Variants in ACSF3 observed in about 807,000 individuals in gnomAD.
The protein encoded by ACSF3 is acyl-CoA synthetase family member 3.
ACSF3 carries 78 observed loss-of-function variants against 53.2 expected under a neutral mutation model. The ratio of observed to expected loss-of-function variants is 1.47; its 90% CI spans 1.22 to 1.77. The LOEUF (loss-of-function observed/expected upper bound fraction) is 1.77, where lower values mean the gene tolerates loss of function less well. Ranked by LOEUF, ACSF3 falls within the 40% of genes most tolerant of loss-of-function variation. ACSF3 has a pLI of 0.00. For synonymous variants in ACSF3, 414 were observed against 333.1 expected, an observed-to-expected ratio of 1.24 and a Z score of -2.65; for missense variants, 937 against 771.1, an observed-to-expected ratio of 1.22 and a Z score of -2.55.
chr16:89,136,190 G>A (rs1910426982), intron 8 of ACSF3, among the ~76,000 whole-genome samples: 1 of 152,258 alleles, frequency 6.6e-6, no homozygotes, highest in African/African-American at 2.4e-5. Flanking sequence ...CGCTGGGAGG[G>A]CAGCCGTGTG....
At chr16:89,114,224 A>C in intron 5 of ACSF3, 115 bp from the exon 6 acceptor site, 1 of 1,436,102 alleles carries the variant, frequency 7.0e-7, no homozygotes, top group Non-Finnish European at 9.6e-7. Context: ...TGCACTCGTG[A>C]AGGAGCTGCC....
At chr16:89,103,257 G>A (rs376835027) in intron 4 of ACSF3, among the ~76,000 whole-genome samples, 2 of 152,376 alleles carry the variant, frequency 1.3e-5, no homozygotes, top group East Asian at 1.9e-4. Flanking sequence ...CGGCTGCGGC[G>A]AATGCTCACG....
intron 7 of ACSF3, among the ~76,000 whole-genome samples, chr16:89,125,621 G>A (rs1206305113): frequency 6.6e-6 from 1 of 152,004 alleles, no homozygotes; most frequent in African/African-American, 2.4e-5. Flanking sequence ...AGCCTGGGAG[G>A]TGGAGGTTGA....
At chr16:89,146,852 G>C (rs1437644592) in intron 10 of ACSF3, among the ~76,000 whole-genome samples, 2 of 152,224 alleles carry the variant, frequency 1.3e-5, no homozygotes, top group East Asian at 3.8e-4. Context: ...GTCACGCCCA[G>C]GGCTGAACCT....
chr16:89,138,884 A>G (rs1036456993), intron 8 of ACSF3, among the ~76,000 whole-genome samples: 1 of 152,262 alleles, frequency 6.6e-6, no homozygotes, highest in African/African-American at 2.4e-5. Flanking sequence ...TTTAAGCCAA[A>G]GTTACACACC....
At chr16:89,146,103 C>A in intron 10 of ACSF3, 54 bp downstream of exon 10, 1 of 1,297,924 alleles carries the variant, frequency 7.7e-7, no homozygotes, top group Non-Finnish European at 1.1e-6. Context: ...GGGGTCCAGT[C>A]TTGAGGGCCA....
chr16:89,115,839 C>T (rs1171019474), intron 6 of ACSF3, among the ~76,000 whole-genome samples: 1 of 152,228 alleles, frequency 6.6e-6, no homozygotes, highest in Non-Finnish European at 1.5e-5. Flanking sequence ...ATTCCGTTTT[C>T]AACTGGGGCC....
chr16:89,152,312 T>G (rs747936747), intron 10 of ACSF3: 3 of 152,230 alleles, frequency 2.0e-5, no homozygotes, highest in Non-Finnish European at 4.4e-5. Context: ...CAATAAAACT[T>G]TAGATTCCCA....
At chr16:89,137,517 C>T (rs1304518259) in intron 8 of ACSF3, among the ~76,000 whole-genome samples, 2 of 131,056 alleles carry the variant, frequency 1.5e-5, no homozygotes, top group African/African-American at 6.0e-5. Context: ...CTCGGGAGGA[C>T]CACCAGGAGC....
chr16:89,098,067 C>G (rs546972093), intron 1 of ACSF3, among the ~76,000 whole-genome samples: 1 of 151,968 alleles, frequency 6.6e-6, no homozygotes, highest in Non-Finnish European at 1.5e-5. Context: ...GAGCGAGACT[C>G]CGTCTCAAAA....
chr16:89,119,270 G>A (rs62068481), intron 6 of ACSF3, among the ~76,000 whole-genome samples: 20 of 152,222 alleles, frequency 1.3e-4, no homozygotes, highest in Non-Finnish European at 2.4e-4. Context: ...TACCCCAGCC[G>A]TGCCGTGTCC....
chr16:89,133,105 C>G (rs775351320), intron 7 of ACSF3, 31 bp from the exon 8 acceptor site: 68 of 1,612,600 alleles, frequency 4.2e-5, no homozygotes, highest in Non-Finnish European at 5.5e-5. Flanking sequence ...GTGTGCCCAG[C>G]TCTGACCTCC....
intron 10 of ACSF3, chr16:89,151,095 G>A (rs1489429295): frequency 1.1e-5 from 14 of 1,262,450 alleles, no homozygotes; most frequent in African/African-American, 4.6e-5. Context: ...ACGAAACCTC[G>A]CCTCAGGCAT....
At chr16:89,114,648 G>A (rs1369754319) in intron 6 of ACSF3, 161 bp downstream of exon 6, 11 of 1,022,428 alleles carry the variant, frequency 1.1e-5, no homozygotes, top group Middle Eastern at 6.0e-4. Flanking sequence ...GATGCACTGC[G>A]ACCTGTCCCC....
intron 4 of ACSF3, among the ~76,000 whole-genome samples, chr16:89,109,336 C>A (rs1448568950): frequency 6.9e-6 from 1 of 144,430 alleles, no homozygotes; most frequent in African/African-American, 2.6e-5. Context: ...GTTTTCATTT[C>A]TTTACGTCCT....
Position 89,155,147 on chromosome 16 carries a change from CA to C in ACSF3, c.*941del, listed in dbSNP as rs1567759861. On this transcript the variant is annotated 3_prime_UTR_variant, in exon 11 of 11. Coordinates refer to ENST00000614302, the MANE Select transcript of ACSF3 (RefSeq NM_001243279.3). ...ACTTAGCGGGGCCAATTCAGATGCA[CA>C]GGGGCCACATGCAGAATCCAGAAGT... 8.8e-6 allele frequency: 4 copies of C among 454,158 alleles called. No homozygotes were observed. The highest frequency in any genetic ancestry group is 2.3e-5 in the Admixed American group (1 of 42,584). 28.1% of individuals were successfully genotyped at this position (454,158 alleles called of 1,614,324 possible).
intron 7 of ACSF3, among the ~76,000 whole-genome samples, chr16:89,123,168 C>G (rs551798464): frequency 6.6e-6 from 1 of 152,188 alleles, no homozygotes; most frequent in African/African-American, 2.4e-5. Context: ...CTGGCTCCAC[C>G]AGGGGCCAAG....
At chr16:89,121,507 A>T (rs2151480763) in intron 7 of ACSF3, among the ~76,000 whole-genome samples, 1 of 152,358 alleles carries the variant, frequency 6.6e-6, no homozygotes, top group African/African-American at 2.4e-5. Flanking sequence ...GAGGATTTTA[A>T]CATGAGAGTC....
At chr16:89,111,491 C>G (rs965596838) in intron 4 of ACSF3, among the ~76,000 whole-genome samples, 1 of 152,212 alleles carries the variant, frequency 6.6e-6, no homozygotes, top group African/African-American at 2.4e-5. Flanking sequence ...TCCGCCACAC[C>G]CTTCGGTGCT....
Sources: gnomAD v4.1 joint callset for allele counts (sites outside exome capture counted in the v4.1 genomes callset) on GRCh38, gnomAD v4.1.1 for gene constraint, MANE v1.5 for transcripts, NCBI Gene and HGNC (gene_info 2026-07-23, HGNC 2026-07-21) for gene names.